Variants in DAB2IP observed in about 807,000 individuals in gnomAD.
The protein encoded by DAB2IP is disabled homolog 2-interacting protein.
Under a neutral mutation model 107.2 loss-of-function variants are expected in DAB2IP, and 28 were observed. That is an observed-to-expected ratio of 0.26 (90% CI 0.19 to 0.36). The LOEUF (loss-of-function observed/expected upper bound fraction) is 0.36. Ranked by LOEUF, DAB2IP falls within the 10% of genes least tolerant of loss-of-function variation. The pLI is 1.00. For missense variants in DAB2IP, 1,400 were observed against 1,644.7 expected (o/e 0.85, Z 2.57); for synonymous variants, 755 against 706.4 (o/e 1.07, Z -1.09).
At chr9:121,693,839 G>A (rs976898105) in intron 2 of DAB2IP, among the ~76,000 whole-genome samples, 1 of 152,242 alleles carries the variant, frequency 6.6e-6, no homozygotes. Flanking sequence ...CACCTACTAT[G>A]TGCTAGGCAT....
rs1229334447 is a variant in DAB2IP, at chr9:121,772,804, G to T, written c.2276G>T (p.Gly759Val). The stretch of plus-strand genomic sequence containing the variant: ...CTCCAGGACGCCCGCACGCTGGATG[G>T]GGAGGCAGGCTCCCCGGCGGGCCCC... Residue 759 changes from glycine to valine, a missense_variant, in exon 12 of 16, where the codon GGG (glycine) becomes GTG (valine). By Grantham distance (109) the Gly-to-Val change is moderately radical. Transcript: ENST00000408936. This position sits in a 1 kb window ranked among gnomAD's most constrained non-coding sequence, Gnocchi z 4.7. 6.8e-6 allele frequency: 11 copies of T among 1,611,806 alleles called. No individual in the cohort carries two copies. The highest frequency in any genetic ancestry group is 9.3e-6 in the Non-Finnish European group (11 of 1,179,486).
chr9:121,712,591 G>A (rs374750242), intron 3 of DAB2IP, among the ~76,000 whole-genome samples: 5 of 152,084 alleles, frequency 3.3e-5, no homozygotes, highest in African/African-American at 9.7e-5. Flanking sequence ...TCCCTCTGAC[G>A]CATGGCCTTG....
intron 1 of DAB2IP, among the ~76,000 whole-genome samples, chr9:121,676,082 G>T (rs1833891016): frequency 6.6e-6 from 1 of 152,222 alleles, no homozygotes; most frequent in South Asian, 2.1e-4. Context: ...TCTGGAAGAG[G>T]CGCCTGGGGC....
At chr9:121,595,618 AAAG>A (rs1204137608) in intron 1 of DAB2IP, among the ~76,000 whole-genome samples, 2 of 148,266 alleles carry the variant, frequency 1.3e-5, no homozygotes, top group African/African-American at 2.4e-5. Context: ...AAAAAAAAGA[AAAG>A]AAGAAGAAGA....
At chr9:121,616,582 T>C (rs1258473346) in intron 1 of DAB2IP, among the ~76,000 whole-genome samples, 2 of 152,204 alleles carry the variant, frequency 1.3e-5, no homozygotes, top group South Asian at 2.1e-4. Context: ...TTTGAATTTT[T>C]CCCCACTTAT....
intron 1 of DAB2IP, among the ~76,000 whole-genome samples, chr9:121,638,408 C>T (rs1407975388): frequency 6.6e-6 from 1 of 152,058 alleles, no homozygotes; most frequent in East Asian, 1.9e-4. Flanking sequence ...GATCCAATAC[C>T]CCTGGGATAC....
chr9:121,720,845 T>C (rs553696642), intron 3 of DAB2IP, among the ~76,000 whole-genome samples: 2 of 152,126 alleles, frequency 1.3e-5, no homozygotes, highest in South Asian at 4.1e-4. Flanking sequence ...GACAATTGTC[T>C]GTGTCTGGGG....
intron 3 of DAB2IP, among the ~76,000 whole-genome samples, chr9:121,735,958 C>G (rs1831869856): frequency 6.6e-6 from 1 of 152,238 alleles, no homozygotes; most frequent in African/African-American, 2.4e-5. Flanking sequence ...AGCTCACCAG[C>G]CTGTCTCCTC....
rs3747851 is a variant in DAB2IP, at chr9:121,758,981, G to A, written c.600G>A (p.Ala200=). Residue 200 remains alanine (A), a synonymous_variant, in exon 5 of 16, where the codon GCG becomes GCA. Transcript: ENST00000408936. ...AGTGGATGGAGAACCTCCGGCGAGC[G>A]GTGCATCCCAACAAGGTAAGCCTGC... The A allele has an allele frequency of 0.011, 17,612 of 1,612,336 alleles. 1,154 individuals carry two copies. The East Asian group carries it at 0.19, about 17-fold the overall frequency.
intron 3 of DAB2IP, among the ~76,000 whole-genome samples, chr9:121,717,627 C>G (rs572775983): frequency 1.3e-5 from 2 of 152,372 alleles, no homozygotes; most frequent in East Asian, 3.9e-4. Flanking sequence ...TTACTCCTCT[C>G]TACCCATAGT....
intron 1 of DAB2IP, among the ~76,000 whole-genome samples, chr9:121,590,042 G>C (rs979302328): frequency 1.1e-4 from 17 of 148,830 alleles, no homozygotes; most frequent in African/African-American, 3.9e-4. Flanking sequence ...AGAATGATTA[G>C]ACTCAGACAG....
At chr9:121,766,909 C>T (rs1834327036) in intron 9 of DAB2IP, among the ~76,000 whole-genome samples, 179 bp downstream of exon 9, 1 of 152,230 alleles carries the variant, frequency 6.6e-6, no homozygotes, top group African/African-American at 2.4e-5. Context: ...CACACCCTGT[C>T]CTTCTACTCA....
rs556929382 is a variant in DAB2IP at position 121,626,122 on chromosome 9, T to C, written c.41-52556T>C. On this transcript the variant is annotated intron_variant, in intron 1 of 16. Transcript: ENST00000259371. ...GAATTATGATTCAAGGCAAGATGAG[T>C]GGCCCCAGAGAGATGTCTAGACAGT... Among the ~76,000 whole-genome samples the C allele has an allele frequency of 2.0e-5, 3 of 152,102 alleles. No homozygotes were observed. The East Asian group carries it at 5.8e-4, about 29-fold the overall frequency.
Position 121,746,082 on chromosome 9 carries a change from G to T in DAB2IP, c.363-10931G>T, listed in dbSNP as rs114398148. Among the ~76,000 whole-genome samples the T allele has an allele frequency of 2.4e-3, 371 of 152,242 alleles. 3 individuals are homozygous for T. Among genetic ancestry groups the T allele is most frequent in the Non-Finnish European group, 1.7e-3 (113 of 67,996 alleles). On this transcript the variant is annotated intron_variant, in intron 3 of 15. Coordinates refer to ENST00000408936, the Ensembl canonical transcript of DAB2IP. Reference sequence around the variant, plus strand: ...AGGGGCTTTTTGAGAGCTCAGCTGTGGGGGGAGAGTCAGGAAGGATCTGCT... The same window carrying T: ...AGGGGCTTTTTGAGAGCTCAGCTGTTGGGGGAGAGTCAGGAAGGATCTGCT...
chr9:121,683,853 A>G (rs1160396836), intron 2 of DAB2IP, among the ~76,000 whole-genome samples: 1 of 152,176 alleles, frequency 6.6e-6, no homozygotes, highest in African/African-American at 2.4e-5. Context: ...GGAGAAGAGT[A>G]TTTCAGTTAG....
intron 1 of DAB2IP, among the ~76,000 whole-genome samples, chr9:121,593,789 T>A (rs2118934848): frequency 6.6e-6 from 1 of 151,548 alleles, no homozygotes; most frequent in African/African-American, 2.4e-5. Context: ...TGCCTCAGCC[T>A]CCCGAGTAGC....
chr9:121,577,565 C>T (rs1830094209), intron 1 of DAB2IP, among the ~76,000 whole-genome samples: 1 of 152,202 alleles, frequency 6.6e-6, no homozygotes, highest in African/African-American at 2.4e-5. Flanking sequence ...CCACAGACTG[C>T]ACCAGAAAGA....
chr9:121,773,334 C>T, exon 12 of DAB2IP: 1 of 1,559,426 alleles, frequency 6.4e-7, no homozygotes, highest in Non-Finnish European at 8.7e-7. Flanking sequence ...CGGCCGGACG[C>T]CCCCCAACCT....
chr9:121,716,421 G>A (rs559696193), intron 3 of DAB2IP, among the ~76,000 whole-genome samples: 1 of 152,346 alleles, frequency 6.6e-6, no homozygotes, highest in African/African-American at 2.4e-5. Context: ...CTGACTGGCT[G>A]TGCCCTGTCC....
Sources: allele counts gnomAD v4.1 joint callset (sites outside exome capture counted in the v4.1 genomes callset), GRCh38; gene constraint gnomAD v4.1.1; non-coding constraint Gnocchi (gnomAD v3.1); transcripts MANE v1.5; gene names NCBI Gene and HGNC (gene_info 2026-07-23, HGNC 2026-07-21).